Variants in ADGRL3 observed in about 807,000 individuals in gnomAD.
The protein encoded by ADGRL3 is adhesion G protein-coupled receptor L3.
ADGRL3 carries 62 observed loss-of-function variants against 153.5 expected under a neutral mutation model. The ratio of observed to expected loss-of-function variants is 0.40; its 90% CI spans 0.33 to 0.50. ADGRL3 has a LOEUF of 0.50. ADGRL3 is among the 20% of genes least tolerant of loss of function. ADGRL3 has a pLI of 0.47. For synonymous variants in ADGRL3, 710 were observed against 672.5 expected (o/e 1.06, Z -0.86); for missense variants, 1,641 against 1,859.4 (o/e 0.88, Z 2.16).
chr4:61,259,196 G>A (rs1164556582), intron 1 of ADGRL3, among the ~76,000 whole-genome samples: 5 of 151,976 alleles, frequency 3.3e-5, no homozygotes, highest in Admixed American at 6.6e-5. Context: ...AGGCCGAGGC[G>A]GCGGATCACG....
intron 11 of ADGRL3, among the ~76,000 whole-genome samples, chr4:61,905,036 A>G (rs1001912039): frequency 6.6e-6 from 1 of 152,206 alleles, no homozygotes; most frequent in African/African-American, 2.4e-5. Context: ...ACAAAATAAA[A>G]CAATAGTAAT....
chr4:61,839,950 TAAAAG>T (rs1233890291), intron 9 of ADGRL3, among the ~76,000 whole-genome samples: 3 of 139,112 alleles, frequency 2.2e-5, no homozygotes, highest in African/African-American at 8.5e-5. Context: ...ACCCCCATCT[TAAAAG>T]AAAAAAAAAA....
chr4:61,883,396 T>A (rs1000763248), intron 9 of ADGRL3, among the ~76,000 whole-genome samples: 9 of 152,278 alleles, frequency 5.9e-5, no homozygotes, highest in Non-Finnish European at 1.0e-4. Flanking sequence ...CTTGGTTGAG[T>A]TAAGGAATAA....
intron 2 of ADGRL3, among the ~76,000 whole-genome samples, chr4:61,431,370 C>T (rs2097353670): frequency 6.6e-6 from 1 of 152,160 alleles, no homozygotes; most frequent in Non-Finnish European, 1.5e-5. Flanking sequence ...TTCTTCAAGC[C>T]TTTGTCAGGG....
chr4:61,793,493 C>T (rs2097369904), intron 8 of ADGRL3, among the ~76,000 whole-genome samples: 1 of 152,092 alleles, frequency 6.6e-6, no homozygotes, highest in African/African-American at 2.4e-5. Context: ...ACGAGAAAGA[C>T]CCACACTATG....
intron 1 of ADGRL3, among the ~76,000 whole-genome samples, chr4:61,251,884 T>C (rs566280124): frequency 6.7e-6 from 1 of 149,522 alleles, no homozygotes; most frequent in African/African-American, 2.4e-5. Context: ...TTTTTAATTT[T>C]TTTATTTTTT....
At chr4:61,281,054 A>G (rs1006742365) in intron 1 of ADGRL3, among the ~76,000 whole-genome samples, 9 of 152,116 alleles carry the variant, frequency 5.9e-5, no homozygotes, top group African/African-American at 1.9e-4. Context: ...TATCATATAT[A>G]TTAGTTAATA....
chr4:61,630,038 A>T (rs902544807), intron 5 of ADGRL3, among the ~76,000 whole-genome samples: 4 of 152,050 alleles, frequency 2.6e-5, no homozygotes, highest in Non-Finnish European at 5.9e-5. Flanking sequence ...CTCTTCATCT[A>T]TGTATTTTGC....
chr4:61,920,215 C>A (rs2098762357), intron 13 of ADGRL3, among the ~76,000 whole-genome samples: 1 of 152,090 alleles, frequency 6.6e-6, no homozygotes, highest in Non-Finnish European at 1.5e-5. Flanking sequence ...GAATACACAT[C>A]AATTTACTTT....
Position 61,701,879 on chromosome 4 carries a change from G to C in ADGRL3, c.583+24944G>C, listed in dbSNP as rs560556923. Among the ~76,000 whole-genome samples, 16 of 152,208 alleles carry C rather than the reference G, an allele frequency of 1.1e-4. No homozygotes were observed. The South Asian group carries it at 3.3e-3, about 32-fold the overall frequency. On this transcript the variant is annotated intron_variant, in intron 6 of 26. Coordinates refer to ENST00000683033, the MANE Select transcript of ADGRL3 (RefSeq NM_001387552.1). ...ATGAAGATTCTAGAAGAAAAGTCTT[G>C]AGTTGTTAGGATCTGAGGAATGTTA...
chr4:61,380,167 G>T (rs2096650472), intron 1 of ADGRL3, among the ~76,000 whole-genome samples: 1 of 151,968 alleles, frequency 6.6e-6, no homozygotes, highest in Non-Finnish European at 1.5e-5. Context: ...GTATGTATAT[G>T]TATATGTATA....
At chr4:61,924,721 T>C (rs2098787107) in intron 13 of ADGRL3, among the ~76,000 whole-genome samples, 2 of 152,214 alleles carry the variant, frequency 1.3e-5, no homozygotes, top group Non-Finnish European at 1.5e-5. Flanking sequence ...TTCCCTCTGA[T>C]TGGAATGCTT....
intron 1 of ADGRL3, among the ~76,000 whole-genome samples, chr4:61,253,806 T>C (rs1391092634): frequency 1.3e-5 from 2 of 152,202 alleles, no homozygotes; most frequent in East Asian, 3.9e-4. Flanking sequence ...TACTTTGTAC[T>C]TTATAATGAA....
chr4:61,720,392 T>A (rs1212345313), intron 6 of ADGRL3, among the ~76,000 whole-genome samples: 1 of 152,018 alleles, frequency 6.6e-6, no homozygotes, highest in African/African-American at 2.4e-5. Context: ...CCGACTAGAG[T>A]GACACTTTTT....
At chr4:61,871,207 G>A (rs2098443267) in intron 9 of ADGRL3, among the ~76,000 whole-genome samples, 1 of 151,922 alleles carries the variant, frequency 6.6e-6, no homozygotes. Context: ...GAACCCAGGA[G>A]GCGGAGCTTG....
At chr4:61,387,346 T>C (rs1277821956) in intron 2 of ADGRL3, among the ~76,000 whole-genome samples, 2 of 152,148 alleles carry the variant, frequency 1.3e-5, no homozygotes, top group African/African-American at 4.8e-5. Flanking sequence ...GGCACCATTG[T>C]CATTGATAAC....
intron 11 of ADGRL3, among the ~76,000 whole-genome samples, chr4:61,907,838 A>G (rs1239219836): frequency 2.0e-5 from 3 of 152,186 alleles, no homozygotes; most frequent in Non-Finnish European, 4.4e-5. Context: ...TTTAGCAAAC[A>G]TTACTAATTT....
intron 4 of ADGRL3, among the ~76,000 whole-genome samples, chr4:61,528,352 A>G (rs2098587318): frequency 6.6e-6 from 1 of 152,080 alleles, no homozygotes; most frequent in African/African-American, 2.4e-5. Flanking sequence ...AGGTTGGAAT[A>G]TGACAACACT....
rs1052303643 is a variant in ADGRL3, at chr4:61,200,924, G to A, written c.-1081G>A. 6.6e-6 allele frequency among the ~76,000 whole-genome samples: 1 copy of A among 151,696 alleles called. No homozygotes were observed. The highest frequency in any genetic ancestry group is 6.6e-5 in the Admixed American group (1 of 15,262). Reference sequence around the variant, plus strand: ...CGGCCCCCGGGACGCAGCCCTCGGCGGCCGGGCGCCCGCTCTGTCTGCGCG... The same window carrying A: ...CGGCCCCCGGGACGCAGCCCTCGGCAGCCGGGCGCCCGCTCTGTCTGCGCG... On this transcript the variant is annotated 5_prime_UTR_variant, in exon 1 of 27. Coordinates refer to ENST00000683033, the MANE Select transcript of ADGRL3 (RefSeq NM_001387552.1).
Sources: allele counts gnomAD v4.1 joint callset (sites outside exome capture counted in the v4.1 genomes callset), GRCh38; gene constraint gnomAD v4.1.1; transcripts MANE v1.5; gene names NCBI Gene and HGNC (gene_info 2026-07-23, HGNC 2026-07-21).